Variants in TMEM108 observed in about 807,000 individuals in gnomAD.
TMEM108 encodes the protein cancer/testis antigen 124.
In TMEM108, 12 loss-of-function variants were observed where a neutral mutation model predicts 35.1. The ratio of observed to expected loss-of-function variants is 0.34; its 90% CI spans 0.22 to 0.55. The LOEUF (loss-of-function observed/expected upper bound fraction) is 0.55. Ranked by LOEUF, TMEM108 falls within the 20% of genes least tolerant of loss-of-function variation. The pLI, the probability that TMEM108 is intolerant of heterozygous loss-of-function variation, is 0.89. For synonymous variants in TMEM108, 287 were observed against 308.6 expected (o/e 0.93, Z 0.73); for missense variants, 680 against 753.3 (o/e 0.90, Z 1.14).
At chr3:133,187,802 T>A (rs923657731) in intron 2 of TMEM108, among the ~76,000 whole-genome samples, 2 of 150,448 alleles carry the variant, frequency 1.3e-5, no homozygotes, top group Non-Finnish European at 2.9e-5. Flanking sequence ...ACATGACTGG[T>A]TTCCTGGTTC....
chr3:133,244,622 A>T (rs1442732592), intron 3 of TMEM108, among the ~76,000 whole-genome samples: 4 of 152,182 alleles, frequency 2.6e-5, no homozygotes, highest in Admixed American at 6.5e-5. Context: ...TTCCCTGGAG[A>T]TGTGGCTTTT....
chr3:133,266,794 C>T lies in TMEM108; in HGVS notation c.40+37443C>T, dbSNP rs559918996. Among the ~76,000 whole-genome samples, 286 of 151,772 alleles carry T rather than the reference C, an allele frequency of 1.9e-3. 3 individuals are homozygous for T. The highest frequency in any genetic ancestry group is 4.2e-3 in the Admixed American group (64 of 15,252). ...TTGTTTAAAGAATGCCCAAGGTGGC[C>T]GGGCGTGGTGGCTCATGCCTGTAAT... is the stretch of plus-strand genomic sequence containing the variant. On this transcript the variant is annotated intron_variant, in intron 3 of 5. Coordinates refer to ENST00000321871, the MANE Select transcript of TMEM108 (RefSeq NM_023943.4).
chr3:133,111,930 G>C (rs1399108368), intron 2 of TMEM108, among the ~76,000 whole-genome samples: 1 of 152,156 alleles, frequency 6.6e-6, no homozygotes. Flanking sequence ...TTAGTTCTGT[G>C]GGGAGAGAGG....
At chr3:133,205,192 A>C (rs376159306) in intron 2 of TMEM108, among the ~76,000 whole-genome samples, 20 of 149,318 alleles carry the variant, frequency 1.3e-4, no homozygotes, top group African/African-American at 4.2e-4. Flanking sequence ...TTTTGAGCCT[A>C]TGTGCGTCCT....
chr3:133,082,778 A>G (rs1226013891), intron 2 of TMEM108, among the ~76,000 whole-genome samples: 1 of 151,992 alleles, frequency 6.6e-6, no homozygotes, highest in African/African-American at 2.4e-5. Context: ...CAGCTTCCCA[A>G]GTAGCTAGGA....
chr3:133,144,126 G>A (rs1231401283), intron 2 of TMEM108, among the ~76,000 whole-genome samples: 6 of 151,766 alleles, frequency 4.0e-5, no homozygotes, highest in East Asian at 3.9e-4. Context: ...TCCCCTAGCC[G>A]CCCACACCCT....
At chr3:133,213,549 T>C (rs1004139889) in intron 2 of TMEM108, among the ~76,000 whole-genome samples, 4 of 152,216 alleles carry the variant, frequency 2.6e-5, no homozygotes, top group Non-Finnish European at 5.9e-5. Context: ...AGGATGCTAA[T>C]GTTTGTCAAA....
intron 3 of TMEM108, among the ~76,000 whole-genome samples, chr3:133,286,265 C>T (rs1027464748): frequency 2.0e-5 from 3 of 152,156 alleles, no homozygotes; most frequent in African/African-American, 7.2e-5. Context: ...AGAAATAGAA[C>T]AAACACATAA....
Position 133,095,369 on chromosome 3 carries a change from CCCCAGCCT to C in TMEM108, c.-47+49350_-47+49357del, listed in dbSNP as rs1265244300. Among the ~76,000 whole-genome samples, 138 of 152,228 alleles carry C rather than the reference CCCCAGCCT, an allele frequency of 9.1e-4. 1 individual carries two copies. The highest frequency in any genetic ancestry group is 2.1e-4 in the Non-Finnish European group (14 of 68,014). On this transcript the variant is annotated intron_variant, in intron 2 of 5. Coordinates refer to ENST00000321871, the MANE Select transcript of TMEM108 (RefSeq NM_023943.4). ...CAAAAATTCTCCATAGTACAGCAAG[CCCCAGCCT>C]TTTTGGCACCAGGAACTGGTTTCAT...
At chr3:133,392,552 C>A (rs2073250080) in intron 5 of TMEM108, among the ~76,000 whole-genome samples, 1 of 152,110 alleles carries the variant, frequency 6.6e-6, no homozygotes, top group Non-Finnish European at 1.5e-5. Flanking sequence ...TTAATGTCTC[C>A]CCTGGCCCCA....
chr3:133,116,432 G>A (rs1210603547), intron 2 of TMEM108, among the ~76,000 whole-genome samples: 1 of 152,090 alleles, frequency 6.6e-6, no homozygotes, highest in East Asian at 1.9e-4. Flanking sequence ...TGAAATCCAT[G>A]TATAGTTTTT....
chr3:133,112,073 T>G (rs899879033), intron 2 of TMEM108, among the ~76,000 whole-genome samples: 1 of 152,124 alleles, frequency 6.6e-6, no homozygotes, highest in African/African-American at 2.4e-5. Flanking sequence ...TTTTCTTTCC[T>G]AAAGAAAACA....
rs555686697 is a variant in TMEM108, at chr3:133,109,855, A to C, written c.-47+63835A>C. 5.9e-5 allele frequency among the ~76,000 whole-genome samples: 9 copies of C among 152,318 alleles called. No individual in the cohort carries two copies. The East Asian group carries it at 1.2e-3, about 20-fold the overall frequency. ...ATTCTTAACGTTATGCAGGGGGTGC[A>C]GCCTCCTGCCTAATAATCAGTGTGA... On this transcript the variant is annotated intron_variant, in intron 2 of 5. Transcript: ENST00000321871.
chr3:133,341,183 C>G (rs2071650801), intron 3 of TMEM108, among the ~76,000 whole-genome samples: 1 of 151,726 alleles, frequency 6.6e-6, no homozygotes. Flanking sequence ...ACCAAAAAAA[C>G]TATTAGAACT....
At chr3:133,055,128 T>A (rs1943451571) in intron 2 of TMEM108, among the ~76,000 whole-genome samples, 1 of 152,184 alleles carries the variant, frequency 6.6e-6, no homozygotes, top group African/African-American at 2.4e-5. Context: ...TGTATTGAAT[T>A]TTTAAAAATA....
At chr3:133,221,010 A>G (rs937199154) in intron 2 of TMEM108, among the ~76,000 whole-genome samples, 1 of 152,214 alleles carries the variant, frequency 6.6e-6, no homozygotes, top group African/African-American at 2.4e-5. Context: ...AAAGTCTAGA[A>G]CAGTCCCAAG....
intron 2 of TMEM108, among the ~76,000 whole-genome samples, chr3:133,089,481 G>T (rs1453331219): frequency 6.6e-6 from 1 of 151,954 alleles, no homozygotes; most frequent in African/African-American, 2.4e-5. Flanking sequence ...TTGTTTTTTG[G>T]TCCACTTTAC....
At chr3:133,269,947 T>G (rs1028068732) in intron 3 of TMEM108, among the ~76,000 whole-genome samples, 1 of 152,168 alleles carries the variant, frequency 6.6e-6, no homozygotes, top group Non-Finnish European at 1.5e-5. Context: ...AAGATCTACT[T>G]CCTCCTCCTG....
chr3:133,213,752 T>C (rs2107842194), intron 2 of TMEM108, among the ~76,000 whole-genome samples: 1 of 152,316 alleles, frequency 6.6e-6, no homozygotes, highest in East Asian at 1.9e-4. Context: ...TAATCCTCCC[T>C]TTTGCCACAT....
Sources: gnomAD v4.1 joint callset for allele counts (sites outside exome capture counted in the v4.1 genomes callset) on GRCh38, gnomAD v4.1.1 for gene constraint, MANE v1.5 for transcripts, NCBI Gene and HGNC (gene_info 2026-07-23, HGNC 2026-07-21) for gene names.